SMYD3: variants seen among roughly 807,000 people sequenced by gnomAD.
The protein encoded by SMYD3 is SET and MYND domain containing 3.
A neutral mutation model predicts 57.7 loss-of-function variants in SMYD3; 36 were observed. The observed-to-expected ratio is 0.62, with a 90% CI of 0.48 to 0.82. The LOEUF is 0.82. Ranked by LOEUF, SMYD3 falls within the 40% of genes least tolerant of loss-of-function variation. The pLI is 0.00. For missense variants in SMYD3, 515 were observed against 538.8 expected (o/e 0.96, Z 0.44); for synonymous variants, 211 against 195.0 (o/e 1.08, Z -0.68).
At chr1:245,769,423 A>G (rs2046248580) in intron 10 of SMYD3, among the ~76,000 whole-genome samples, 1 of 152,246 alleles carries the variant, frequency 6.6e-6, no homozygotes, top group Non-Finnish European at 1.5e-5. Flanking sequence ...AAAACAAGGG[A>G]CAGAGGGACA....
chr1:245,888,293 C>T (rs1486582622), intron 8 of SMYD3, among the ~76,000 whole-genome samples: 1 of 152,190 alleles, frequency 6.6e-6, no homozygotes, highest in South Asian at 2.1e-4. Context: ...TAGAATTCTA[C>T]CATCTAAAGG....
chr1:246,362,935 G>C (rs1450588146), intron 1 of SMYD3, among the ~76,000 whole-genome samples: 1 of 151,136 alleles, frequency 6.6e-6, no homozygotes, highest in Non-Finnish European at 1.5e-5. Context: ...CGTCTGGGAT[G>C]TGAGGAGCCC....
chr1:246,500,685 C>T (rs913969575), intron 1 of SMYD3, among the ~76,000 whole-genome samples: 22 of 149,970 alleles, frequency 1.5e-4, no homozygotes, highest in African/African-American at 5.3e-4. Flanking sequence ...GAGTTCCAGG[C>T]ACCAGCCTCT....
intron 5 of SMYD3, among the ~76,000 whole-genome samples, chr1:245,951,239 G>A (rs2057629205): frequency 6.6e-6 from 1 of 151,930 alleles, no homozygotes. Flanking sequence ...ACAGAAAGAT[G>A]CGGGGGTGAA....
chr1:246,055,440 AAAG>A (rs1444536621), intron 5 of SMYD3, among the ~76,000 whole-genome samples: 2 of 152,150 alleles, frequency 1.3e-5, no homozygotes, highest in Non-Finnish European at 2.9e-5. Flanking sequence ...TTTAAAAATA[AAAG>A]AAGACAAGAA....
At chr1:246,380,689 G>A (rs965239592) in intron 1 of SMYD3, among the ~76,000 whole-genome samples, 6 of 152,206 alleles carry the variant, frequency 3.9e-5, no homozygotes, top group African/African-American at 1.4e-4. Context: ...TACGACAGAG[G>A]CAGAATAGCA....
chr1:246,083,897 G>A (rs988118923), intron 5 of SMYD3, among the ~76,000 whole-genome samples: 1 of 151,690 alleles, frequency 6.6e-6, no homozygotes, highest in Non-Finnish European at 1.5e-5. Context: ...GAAACCAAAC[G>A]AAATGAAAGA....
At chr1:246,316,274 C>T (rs2065154278) in intron 5 of SMYD3, among the ~76,000 whole-genome samples, 1 of 151,908 alleles carries the variant, frequency 6.6e-6, no homozygotes, top group Non-Finnish European at 1.5e-5. Context: ...GTAGTCTCAG[C>T]TACTCAGGAG....
chr1:245,905,535 C>T (rs12058703), intron 8 of SMYD3, among the ~76,000 whole-genome samples: 6,232 of 152,298 alleles, frequency 0.041, 429 homozygotes, highest in African/African-American at 0.14. Context: ...TTGAGTCTTA[C>T]AGTTTTAGTG....
chr1:245,959,803 G>C (rs1366087451), intron 5 of SMYD3, among the ~76,000 whole-genome samples: 1 of 152,088 alleles, frequency 6.6e-6, no homozygotes, highest in Admixed American at 6.5e-5. Flanking sequence ...TTTTGAGACA[G>C]GGTCTTGCTC....
chr1:246,408,504 A>C (rs2066905788), intron 1 of SMYD3, among the ~76,000 whole-genome samples: 1 of 152,130 alleles, frequency 6.6e-6, no homozygotes, highest in South Asian at 2.1e-4. Flanking sequence ...TTTACTATAC[A>C]GGAAAATCAG....
At position 246,098,068 on chromosome 1, in the gene SMYD3, T is replaced by A. The variant is rs563501103; in HGVS notation, c.532-168131A>T. Among the ~76,000 whole-genome samples, 5 of 152,306 alleles carry A rather than the reference T, an allele frequency of 3.3e-5. No individual in the cohort carries two copies. In the South Asian group the frequency reaches 1.0e-3, roughly 32 times the overall value. On this transcript the variant is annotated intron_variant, in intron 5 of 11. Coordinates refer to ENST00000490107, the MANE Select transcript of SMYD3 (RefSeq NM_001167740.2). ...ATTACCACTAAACTGATTTTTATAT[T>A]TTATTTCCATCAAGATAAACAAGAT... is the stretch of plus-strand genomic sequence containing the variant.
chr1:245,805,940 G>A (rs1476089482), intron 10 of SMYD3, among the ~76,000 whole-genome samples: 2 of 152,158 alleles, frequency 1.3e-5, no homozygotes, highest in East Asian at 1.9e-4. Flanking sequence ...CATATGACTT[G>A]AGATAGAAGG....
chr1:246,001,940 C>A (rs1332712546), intron 5 of SMYD3, among the ~76,000 whole-genome samples: 1 of 152,120 alleles, frequency 6.6e-6, no homozygotes, highest in Non-Finnish European at 1.5e-5. Flanking sequence ...GCCAGTCTTC[C>A]AGCTCTGGTT....
At chr1:246,402,417 G>C (rs1488755861) in intron 1 of SMYD3, among the ~76,000 whole-genome samples, 1 of 115,340 alleles carries the variant, frequency 8.7e-6, no homozygotes, top group Non-Finnish European at 2.1e-5. Flanking sequence ...TGATACCTCT[G>C]TGATTTCAGG....
chr1:246,353,067 C>T (rs971838511), intron 2 of SMYD3, among the ~76,000 whole-genome samples: 4 of 152,166 alleles, frequency 2.6e-5, no homozygotes, highest in African/African-American at 9.7e-5. Context: ...GGAACGAATA[C>T]TGTATAAAAA....
intron 5 of SMYD3, among the ~76,000 whole-genome samples, chr1:246,236,029 C>T (rs1012254557): frequency 9.9e-5 from 15 of 152,022 alleles, no homozygotes; most frequent in Admixed American, 9.8e-4. Flanking sequence ...TATATACATT[C>T]CTGAAAAATG....
At chr1:246,380,370 G>A (rs1441207976) in intron 1 of SMYD3, among the ~76,000 whole-genome samples, 1 of 152,116 alleles carries the variant, frequency 6.6e-6, no homozygotes, top group East Asian at 1.9e-4. Flanking sequence ...GATCAACCTT[G>A]ACTAAGCAAA....
At chr1:246,097,332 C>T (rs536372123) in intron 5 of SMYD3, among the ~76,000 whole-genome samples, 1 of 152,196 alleles carries the variant, frequency 6.6e-6, no homozygotes, top group East Asian at 1.9e-4. Flanking sequence ...TGGGTGAATT[C>T]AACCGTCTGA....
Sources: gnomAD v4.1 joint callset for allele counts (sites outside exome capture counted in the v4.1 genomes callset) on GRCh38, gnomAD v4.1.1 for gene constraint, MANE v1.5 for transcripts, NCBI Gene and HGNC (gene_info 2026-07-23, HGNC 2026-07-21) for gene names.